ADGRL3: variants seen among roughly 807,000 people sequenced by gnomAD.
ADGRL3 encodes the protein calcium-independent alpha-latrotoxin receptor 3.
In ADGRL3, 62 loss-of-function variants were observed where a neutral mutation model predicts 153.5. The observed-to-expected ratio is 0.40, with a 90% CI of 0.33 to 0.50. The LOEUF is 0.50. Among genes scored for constraint, ADGRL3 ranks in the 20% least tolerant of loss-of-function variants. The probability of loss-of-function intolerance (pLI) is 0.47; values close to 1 mark genes in which losing one functional copy is unlikely to be tolerated. For synonymous variants in ADGRL3, 710 were observed against 672.5 expected (o/e 1.06, Z -0.86); for missense variants, 1,641 against 1,859.4 (o/e 0.88, Z 2.16).
At chr4:62,005,961 T>TACAC (rs1242911317) in intron 21 of ADGRL3, among the ~76,000 whole-genome samples, 3 of 82,704 alleles carry the variant, frequency 3.6e-5, no homozygotes, top group South Asian at 6.4e-4. Context: ...TACATATATA[T>TACAC]ACACATACAC....
intron 6 of ADGRL3, among the ~76,000 whole-genome samples, chr4:61,688,344 A>C (rs2151085044): frequency 6.6e-6 from 1 of 152,200 alleles, no homozygotes; most frequent in South Asian, 2.1e-4. Flanking sequence ...AGAGAATGTA[A>C]CTTAGAAGTT....
intron 1 of ADGRL3, among the ~76,000 whole-genome samples, chr4:61,251,570 T>G (rs1344800593): frequency 6.6e-6 from 1 of 152,178 alleles, no homozygotes; most frequent in Admixed American, 6.5e-5. Flanking sequence ...AACTTGTGGT[T>G]ATCGCCAATG....
At chr4:61,679,956 G>A (rs1276364127) in intron 6 of ADGRL3, among the ~76,000 whole-genome samples, 2 of 151,924 alleles carry the variant, frequency 1.3e-5, no homozygotes, top group Non-Finnish European at 2.9e-5. Flanking sequence ...TCCTTTACCT[G>A]TTTATTTTAA....
chr4:61,946,336 G>A (rs1036363484), intron 15 of ADGRL3, among the ~76,000 whole-genome samples: 4 of 152,026 alleles, frequency 2.6e-5, no homozygotes, highest in African/African-American at 9.7e-5. Flanking sequence ...CATTTTTCAT[G>A]TGTCTATTGG....
chr4:61,531,903 C>G (rs967963885), intron 4 of ADGRL3, among the ~76,000 whole-genome samples: 13 of 152,074 alleles, frequency 8.5e-5, no homozygotes, highest in Non-Finnish European at 1.6e-4. Flanking sequence ...CTTTCATAAC[C>G]TAACTTTAGA....
chr4:61,609,766 T>C lies in ADGRL3; in HGVS notation c.473+22326T>C, dbSNP rs566329109. 5.3e-5 allele frequency among the ~76,000 whole-genome samples: 8 copies of C among 152,208 alleles called. No individual in the cohort carries two copies. The East Asian group carries it at 9.7e-4, about 18-fold the overall frequency. On this transcript the variant is annotated intron_variant, in intron 5 of 26. Transcript: ENST00000683033. ...ATGTGTAGCATTGTGATAACAAATA[T>C]ATTAAATTAGGACCCTCCAGCTTCT...
intron 1 of ADGRL3, among the ~76,000 whole-genome samples, chr4:61,231,494 T>G (rs1750629052): frequency 6.6e-6 from 1 of 152,108 alleles, no homozygotes; most frequent in Non-Finnish European, 1.5e-5. Context: ...CATTCTTTTC[T>G]TTCTTTGAGA....
chr4:61,965,036 T>G (rs138475899), intron 17 of ADGRL3, among the ~76,000 whole-genome samples: 12 of 152,220 alleles, frequency 7.9e-5, no homozygotes, highest in African/African-American at 2.9e-4. Flanking sequence ...GATCTCACTC[T>G]TTCACTCAGG....
chr4:61,673,073 A>G (rs2095061684), intron 5 of ADGRL3, among the ~76,000 whole-genome samples: 2 of 151,986 alleles, frequency 1.3e-5, no homozygotes. Context: ...AGATGAAATA[A>G]GTGAGACATC....
intron 25 of ADGRL3, among the ~76,000 whole-genome samples, chr4:62,046,806 A>G (rs540280520): frequency 6.6e-6 from 1 of 152,046 alleles, no homozygotes; most frequent in African/African-American, 2.4e-5. Flanking sequence ...TCAAGTCAGA[A>G]ACTCCTAGTT....
intron 8 of ADGRL3, among the ~76,000 whole-genome samples, chr4:61,794,455 A>G (rs2097382578): frequency 6.6e-6 from 1 of 152,222 alleles, no homozygotes; most frequent in Admixed American, 6.5e-5. Flanking sequence ...AAAAGACCAC[A>G]TTGGTTGGTT....
chr4:62,052,254 G>T (rs1734613574), intron 25 of ADGRL3, among the ~76,000 whole-genome samples: 1 of 151,488 alleles, frequency 6.6e-6, no homozygotes, highest in Admixed American at 6.6e-5. Context: ...TCATGAAGTT[G>T]AAGATTAGAA....
intron 2 of ADGRL3, among the ~76,000 whole-genome samples, chr4:61,396,021 T>G (rs2096864474): frequency 6.6e-6 from 1 of 152,000 alleles, no homozygotes. Context: ...AGACCATAAG[T>G]TGGGAAAACC....
At chr4:62,044,575 T>G in intron 25 of ADGRL3, 26 bp downstream of exon 25, 4 of 1,451,568 alleles carry the variant, frequency 2.8e-6, no homozygotes, top group Non-Finnish European at 3.8e-6. Flanking sequence ...TTTTCATATT[T>G]ATTACTTTTC....
At chr4:61,273,356 A>G (rs1297657166) in intron 1 of ADGRL3, among the ~76,000 whole-genome samples, 2 of 152,162 alleles carry the variant, frequency 1.3e-5, no homozygotes, top group African/African-American at 2.4e-5. Flanking sequence ...CACTGCTTAG[A>G]TGGCCGGTCC....
intron 6 of ADGRL3, among the ~76,000 whole-genome samples, chr4:61,726,754 A>T (rs564076393): frequency 6.6e-6 from 1 of 152,282 alleles, no homozygotes; most frequent in Admixed American, 6.5e-5. Flanking sequence ...AAGGAAAAAA[A>T]TTGTTTATAA....
At chr4:61,360,516 A>G (rs1431484641) in intron 1 of ADGRL3, among the ~76,000 whole-genome samples, 2 of 152,144 alleles carry the variant, frequency 1.3e-5, no homozygotes, top group South Asian at 2.1e-4. Context: ...CCGGCAAGTT[A>G]TGGTTGGTAA....
intron 4 of ADGRL3, among the ~76,000 whole-genome samples, chr4:61,522,183 A>G (rs961093400): frequency 1.3e-5 from 2 of 152,084 alleles, no homozygotes; most frequent in Admixed American, 6.6e-5. Context: ...TCTTAGTACA[A>G]TGTTCCAATG....
At chr4:61,780,345 A>G (rs966125774) in intron 8 of ADGRL3, among the ~76,000 whole-genome samples, 1 of 152,204 alleles carries the variant, frequency 6.6e-6, no homozygotes, top group Non-Finnish European at 1.5e-5. Context: ...GAGAAGAGCA[A>G]TGAGACTCTA....
Sources: allele counts gnomAD v4.1 joint callset (sites outside exome capture counted in the v4.1 genomes callset), GRCh38; gene constraint gnomAD v4.1.1; transcripts MANE v1.5; gene names NCBI Gene and HGNC (gene_info 2026-07-23, HGNC 2026-07-21).